The following AGTPBP1 variants were observed in gnomAD, a reference collection of about 807,000 sequenced individuals.
The protein encoded by AGTPBP1 is cytosolic carboxypeptidase 1.
In AGTPBP1, 70 loss-of-function variants were observed where a neutral mutation model predicts 143.9. The observed-to-expected ratio is 0.49, with a 90% CI of 0.40 to 0.59. AGTPBP1 has a LOEUF of 0.59. Among genes scored for constraint, AGTPBP1 ranks in the 20% least tolerant of loss-of-function variants. The pLI is 0.00. For missense variants in AGTPBP1, 1,229 were observed against 1,464.5 expected, an observed-to-expected ratio of 0.84 and a Z score of 2.62; for synonymous variants, 463 against 500.2, an observed-to-expected ratio of 0.93 and a Z score of 0.99.
Position 85,702,858 on chromosome 9 carries a change from G to A in AGTPBP1, c.32+9644C>T, listed in dbSNP as rs191284901. On this transcript the variant is annotated intron_variant, in intron 2 of 25. Transcript: ENST00000357081. Reference sequence around the variant, plus strand: ...CAAACTACTTTGGATACATGCTATTGGTTTACATAATTGTTGAATAGTCTG... The same window carrying A: ...CAAACTACTTTGGATACATGCTATTAGTTTACATAATTGTTGAATAGTCTG... 3.3e-5 allele frequency among the ~76,000 whole-genome samples: 5 copies of A among 151,942 alleles called. No individual in the cohort carries two copies. The East Asian group carries it at 9.7e-4, about 29-fold the overall frequency.
chr9:85,547,701 G>C (rs549614760), intron 25 of AGTPBP1, among the ~76,000 whole-genome samples: 3 of 152,046 alleles, frequency 2.0e-5, no homozygotes, highest in Admixed American at 6.6e-5. Context: ...TTGGCTTCTC[G>C]AGTAATGCAC....
intron 18 of AGTPBP1, among the ~76,000 whole-genome samples, chr9:85,592,945 G>A (rs114842145): frequency 0.019 from 2,947 of 152,072 alleles, 103 homozygotes; most frequent in African/African-American, 0.067. Flanking sequence ...TACTCTTCAC[G>A]TCAAAAAAAT....
At chr9:85,612,562 T>C (rs867953682) in intron 17 of AGTPBP1, among the ~76,000 whole-genome samples, 3 of 152,186 alleles carry the variant, frequency 2.0e-5, no homozygotes, top group African/African-American at 7.2e-5. Flanking sequence ...CCCTGAGTCC[T>C]GTGAGCTGCC....
chr9:85,651,292 C>A (rs774918379), intron 11 of AGTPBP1, among the ~76,000 whole-genome samples: 1 of 152,082 alleles, frequency 6.6e-6, no homozygotes, highest in Non-Finnish European at 1.5e-5. Context: ...TCAATGGACT[C>A]CTGTTTAAGG....
At chr9:85,678,491 C>T (rs565546022) in intron 4 of AGTPBP1, 93 bp from the exon 5 acceptor site, 159 of 703,266 alleles carry the variant, frequency 2.3e-4, no homozygotes, top group Middle Eastern at 1.2e-3. Flanking sequence ...TTACAAATGA[C>T]CTTTCCAATT....
intron 17 of AGTPBP1, among the ~76,000 whole-genome samples, chr9:85,609,523 C>T (rs1385548068): frequency 6.6e-6 from 1 of 152,106 alleles, no homozygotes; most frequent in Admixed American, 6.6e-5. Flanking sequence ...CCTGGTGATC[C>T]GCCTGCCTTG....
chr9:85,766,562 T>C, the AGTPBP1 span, among the ~76,000 whole-genome samples: 1 of 152,116 alleles, frequency 6.6e-6, no homozygotes, highest in Non-Finnish European at 1.5e-5. Context: ...GGTGAAAATA[T>C]AGTATGGTGC....
rs1029626185 is a variant in AGTPBP1, at chr9:85,633,069, T to C, written c.1608A>G (p.Arg536=). ...GAGAAGGAATATTCTGCAATGTAATTCGGTCCAAGGCCTTTACAATATCAT... is the reference window on the plus strand; with the variant it reads ...GAGAAGGAATATTCTGCAATGTAATCCGGTCCAAGGCCTTTACAATATCAT... ...LNNDIVKALD[R]ITLQNIPSQT... Residue 536 remains arginine (R), a synonymous_variant, in exon 14 of 26, where the codon CGA becomes CGG. Transcript: ENST00000357081. 7 of 1,614,198 alleles carry C rather than the reference T, an allele frequency of 4.3e-6. No homozygotes were observed. Among genetic ancestry groups the C allele is most frequent in the Non-Finnish European group, 5.9e-6 (7 of 1,180,024 alleles).
chr9:85,741,741 G>T, intron 1 of AGTPBP1, 34 bp downstream of exon 1: 1 of 1,284,896 alleles, frequency 7.8e-7, no homozygotes, highest in South Asian at 2.4e-5. Context: ...AGGGACGGCC[G>T]GCCGGGACAT....
chr9:85,737,732 G>C (rs1823898947), intron 1 of AGTPBP1, among the ~76,000 whole-genome samples: 1 of 152,158 alleles, frequency 6.6e-6, no homozygotes. Context: ...GGTTTTACTA[G>C]AGCATGCAAA....
chr9:85,621,680 G>GAATAAT (rs1376017236), intron 14 of AGTPBP1, among the ~76,000 whole-genome samples: 1 of 152,108 alleles, frequency 6.6e-6, no homozygotes, highest in African/African-American at 2.4e-5. Context: ...GATTATATAA[G>GAATAAT]AATAATTTTT....
chr9:85,685,844 G>GA (rs1220407040), intron 3 of AGTPBP1, among the ~76,000 whole-genome samples: 1 of 151,944 alleles, frequency 6.6e-6, no homozygotes, highest in African/African-American at 2.4e-5. Flanking sequence ...AAGAATGGTA[G>GA]AAAAAATTTA....
chr9:85,630,461 CGATT>C (rs71372435), intron 14 of AGTPBP1, among the ~76,000 whole-genome samples: 38,434 of 148,752 alleles, frequency 0.26, 6,775 homozygotes, highest in East Asian at 0.55. Flanking sequence ...TGCAGTGGCA[CGATT>C]GATTGATTGA....
At chr9:85,633,828 C>G (rs1390731636) in intron 13 of AGTPBP1, among the ~76,000 whole-genome samples, 3 of 147,878 alleles carry the variant, frequency 2.0e-5, no homozygotes, top group African/African-American at 7.5e-5. Context: ...GTCAATACAA[C>G]AAGTAATAAA....
rs1405239182 is a variant in AGTPBP1 at position 85,660,986 on chromosome 9, C to G, written c.663-13G>C. 1 of 1,585,284 alleles carries G rather than the reference C, an allele frequency of 6.3e-7. No individual in the cohort carries two copies. The highest frequency in any genetic ancestry group is 2.3e-5 in the East Asian group (1 of 43,856). On this transcript the variant is annotated splice_polypyrimidine_tract_variant and intron_variant, in intron 8 of 25. Coordinates refer to ENST00000357081, the MANE Select transcript of AGTPBP1 (RefSeq NM_001330701.2). ...GTCTAAAGCAACCCTGTCAACACAACAAGAAAACACAAACAACAACAAAAC... is the reference window on the plus strand; with the variant it reads ...GTCTAAAGCAACCCTGTCAACACAAGAAGAAAACACAAACAACAACAAAAC...
At chr9:85,727,405 A>C (rs550468290) in intron 1 of AGTPBP1, among the ~76,000 whole-genome samples, 1 of 152,312 alleles carries the variant, frequency 6.6e-6, no homozygotes, top group South Asian at 2.1e-4. Flanking sequence ...GCCCTAGGAA[A>C]GGAAATTTTT....
chr9:85,597,128 T>C (rs1432797686), intron 17 of AGTPBP1, among the ~76,000 whole-genome samples: 1 of 151,930 alleles, frequency 6.6e-6, no homozygotes, highest in Non-Finnish European at 1.5e-5. Flanking sequence ...ATAGAGTCAT[T>C]TTTTTTTCCT....
chr9:85,756,235 AT>A, the AGTPBP1 span: 1 of 1,594,780 alleles, frequency 6.3e-7, no homozygotes. Flanking sequence ...AAAATAAGAA[AT>A]TGAGATCTAG....
chr9:85,552,391 A>T (rs141523153), intron 25 of AGTPBP1, among the ~76,000 whole-genome samples: 1 of 152,326 alleles, frequency 6.6e-6, no homozygotes, highest in African/African-American at 2.4e-5. Context: ...TTCTCCCTCA[A>T]ATTTATGCCA....
Sources: allele counts gnomAD v4.1 joint callset (sites outside exome capture counted in the v4.1 genomes callset), GRCh38; gene constraint gnomAD v4.1.1; transcripts MANE v1.5; gene names NCBI Gene and HGNC (gene_info 2026-07-23, HGNC 2026-07-21).